The following SMARCC1 variants were observed in gnomAD, a reference collection of about 807,000 sequenced individuals.
SMARCC1 encodes SWI/SNF complex subunit SMARCC1.
In SMARCC1, 43 loss-of-function variants were observed where a neutral mutation model predicts 147.4. That is an observed-to-expected ratio of 0.29 (90% CI 0.23 to 0.38). The LOEUF (loss-of-function observed/expected upper bound fraction) is 0.38. Among genes scored for constraint, SMARCC1 ranks in the 10% least tolerant of loss-of-function variants. The pLI is 1.00. For synonymous variants in SMARCC1, 495 were observed against 484.4 expected, an observed-to-expected ratio of 1.02 and a Z score of -0.29; for missense variants, 1,119 against 1,381.1, an observed-to-expected ratio of 0.81 and a Z score of 3.01.
intron 1 of SMARCC1, among the ~76,000 whole-genome samples, chr3:47,778,073 G>A (rs2034996645): frequency 6.6e-6 from 1 of 151,076 alleles, no homozygotes; most frequent in South Asian, 2.1e-4. Flanking sequence ...AGAGCGTGGT[G>A]GCGGGTGCCT....
chr3:47,660,991 T>C (rs150272528), intron 21 of SMARCC1, among the ~76,000 whole-genome samples: 2 of 152,324 alleles, frequency 1.3e-5, no homozygotes, highest in Non-Finnish European at 2.9e-5. Flanking sequence ...AATATTCTTT[T>C]TTTCACCTAC....
intron 22 of SMARCC1, among the ~76,000 whole-genome samples, chr3:47,636,501 C>A (rs2032970520): frequency 6.6e-6 from 1 of 152,212 alleles, no homozygotes; most frequent in African/African-American, 2.4e-5. Context: ...GTAATCCCAG[C>A]AGTCTGGGAG....
At chr3:47,728,624 T>C (rs556697771) in intron 6 of SMARCC1, among the ~76,000 whole-genome samples, 1 of 152,266 alleles carries the variant, frequency 6.6e-6, no homozygotes, top group East Asian at 1.9e-4. Flanking sequence ...AAGTTAATGT[T>C]GGCTGGGCGC....
At chr3:47,699,595 C>T (rs1031732573) in intron 11 of SMARCC1, among the ~76,000 whole-genome samples, 48 of 151,948 alleles carry the variant, frequency 3.2e-4, no homozygotes, top group Non-Finnish European at 5.7e-4. Context: ...TATGTCTATA[C>T]ATATGTATAT....
intron 26 of SMARCC1, among the ~76,000 whole-genome samples, chr3:47,596,062 AAAAC>A (rs2032274434): frequency 7.2e-6 from 1 of 138,730 alleles, no homozygotes; most frequent in African/African-American, 2.5e-5. Context: ...CCCAAAAACA[AAAAC>A]AAAAACAAAA....
chr3:47,727,954 G>A (rs954842276), intron 6 of SMARCC1, among the ~76,000 whole-genome samples: 1 of 151,694 alleles, frequency 6.6e-6, no homozygotes, highest in Non-Finnish European at 1.5e-5. Flanking sequence ...CTACGCAAAG[G>A]CACAATTATC....
intron 21 of SMARCC1, among the ~76,000 whole-genome samples, chr3:47,653,232 C>T (rs1055824170): frequency 1.5e-4 from 23 of 152,248 alleles, no homozygotes; most frequent in Non-Finnish European, 3.1e-4. Flanking sequence ...GCTGGGATTA[C>T]AGGCGTGAGC....
intron 21 of SMARCC1, among the ~76,000 whole-genome samples, chr3:47,642,044 G>T (rs935450409): frequency 6.6e-6 from 1 of 152,114 alleles, no homozygotes; most frequent in Non-Finnish European, 1.5e-5. Flanking sequence ...AAAGTGCTGG[G>T]ATTACAGATG....
At chr3:47,591,815 G>A (rs1195533534) in intron 26 of SMARCC1, among the ~76,000 whole-genome samples, 5 of 152,156 alleles carry the variant, frequency 3.3e-5, no homozygotes, top group Admixed American at 2.6e-4. Flanking sequence ...AAAGTGCTGG[G>A]ATTACAGGCG....
At chr3:47,736,553 G>T (rs2034446499) in intron 4 of SMARCC1, among the ~76,000 whole-genome samples, 1 of 151,952 alleles carries the variant, frequency 6.6e-6, no homozygotes, top group Non-Finnish European at 1.5e-5. Context: ...GTGGGCGCCT[G>T]TAGTCCCAGC....
chr3:47,730,422 A>C (rs1309979583), intron 5 of SMARCC1, among the ~76,000 whole-genome samples: 1 of 152,212 alleles, frequency 6.6e-6, no homozygotes, highest in East Asian at 1.9e-4. Context: ...TCAAGGTTGC[A>C]GTGAACTATG....
Position 47,692,853 on chromosome 3 carries a change from A to G in SMARCC1, c.1225+388T>C, listed in dbSNP as rs1576413085. On this transcript the variant is annotated intron_variant, in intron 12 of 27. Transcript: ENST00000254480. ...CTGAACATGGTGAAACCCCGTCTCTACTAAAAATACAAAAATTAGCTGGGC... is the reference window on the plus strand; with the variant it reads ...CTGAACATGGTGAAACCCCGTCTCTGCTAAAAATACAAAAATTAGCTGGGC... Among the ~76,000 whole-genome samples, 4 of 152,188 alleles carry G rather than the reference A, an allele frequency of 2.6e-5. 1 individual carries two copies. In the East Asian group the frequency reaches 7.7e-4, roughly 29 times the overall value.
intron 6 of SMARCC1, among the ~76,000 whole-genome samples, chr3:47,722,595 C>CA (rs2034246636): frequency 1.3e-5 from 2 of 151,778 alleles, no homozygotes; most frequent in African/African-American, 2.4e-5. Flanking sequence ...TGTGCCTGGC[C>CA]AAAAAAATTT....
rs375504947 is a variant in SMARCC1, at chr3:47,765,539, C to T, written c.315+7278G>A. Among the ~76,000 whole-genome samples the T allele has an allele frequency of 6.6e-5, 10 of 151,966 alleles. No homozygotes were observed. In the East Asian group the frequency reaches 1.7e-3, roughly 26 times the overall value. ...ACACTATTTTGCTTAAACAGGTGCT[C>T]ATATTCCACTTTCATCAGACAGAGT... On this transcript the variant is annotated intron_variant, in intron 2 of 27. Coordinates refer to ENST00000254480, the MANE Select transcript of SMARCC1 (RefSeq NM_003074.4).
rs1409058588 is a variant in SMARCC1 at position 47,781,817 on chromosome 3, C to T, written c.-20G>A. On this transcript the variant is annotated 5_prime_UTR_variant, in exon 1 of 28. Coordinates refer to ENST00000254480, the MANE Select transcript of SMARCC1 (RefSeq NM_003074.4). The stretch of plus-strand genomic sequence containing the variant: ...GGCCATCGTCGCAGCCCGTCGTCCC[C>T]ACAGCCTGGCCCACCCCGGCCCTCG... 1.1e-5 allele frequency: 15 copies of T among 1,383,194 alleles called. No homozygotes were observed. The highest frequency in any genetic ancestry group is 1.4e-5 in the Non-Finnish European group (15 of 1,070,668). The allele number at this position is 1,383,194 out of a possible 1,614,324, so 85.7% of individuals were successfully genotyped here.
chr3:47,632,117 T>A (rs377613079), intron 24 of SMARCC1, among the ~76,000 whole-genome samples: 3 of 152,152 alleles, frequency 2.0e-5, no homozygotes. Context: ...ACCTTTTAAA[T>A]TTTGTATGGA....
At chr3:47,735,061 T>A (rs1418198517) in intron 5 of SMARCC1, among the ~76,000 whole-genome samples, 1 of 151,194 alleles carries the variant, frequency 6.6e-6, no homozygotes, top group Non-Finnish European at 1.5e-5. Context: ...GGCCTTCAAT[T>A]TTTTTTTTTA....
intron 19 of SMARCC1, chr3:47,663,771 G>T (rs2033382856): frequency 1.3e-6 from 2 of 1,560,334 alleles, no homozygotes; most frequent in Middle Eastern, 1.7e-4. Context: ...CCCATAGGTT[G>T]CCTGGCCACG....
intron 5 of SMARCC1, among the ~76,000 whole-genome samples, chr3:47,733,153 T>C (rs1268285653): frequency 6.6e-6 from 1 of 152,110 alleles, no homozygotes; most frequent in Non-Finnish European, 1.5e-5. Flanking sequence ...TTTGAAATAC[T>C]GTGAGAATTA....
Sources: gnomAD v4.1 joint callset for allele counts (sites outside exome capture counted in the v4.1 genomes callset) on GRCh38, gnomAD v4.1.1 for gene constraint, MANE v1.5 for transcripts, NCBI Gene and HGNC (gene_info 2026-07-23, HGNC 2026-07-21) for gene names.